The following EDIL3 variants were observed in gnomAD, a reference collection of about 807,000 sequenced individuals.
EDIL3 encodes the protein EGF-like repeat and discoidin I-like domain-containing protein 3.
EDIL3 carries 37 observed loss-of-function variants against 67.4 expected under a neutral mutation model. The ratio of observed to expected loss-of-function variants is 0.55; its 90% CI spans 0.42 to 0.72. The LOEUF (loss-of-function observed/expected upper bound fraction) is 0.72, where lower values mean the gene tolerates loss of function less well. Ranked by LOEUF, EDIL3 falls within the 30% of genes least tolerant of loss-of-function variation. EDIL3 has a pLI of 0.00. For missense variants in EDIL3, 527 were observed against 586.3 expected, an observed-to-expected ratio of 0.90 and a Z score of 1.04; for synonymous variants, 195 against 196.3, an observed-to-expected ratio of 0.99 and a Z score of 0.05.
chr5:83,943,589 A>AAT, intron 10 of EDIL3, 21 bp from the exon 11 acceptor site: 1 of 1,610,148 alleles, frequency 6.2e-7, no homozygotes, highest in Non-Finnish European at 8.5e-7. Flanking sequence ...AGAGCAGAAA[A>AAT]ATGTCAGTCA....
rs927077288 is a variant in EDIL3 at position 83,942,863 on chromosome 5, A to C, written c.*556T>G. ...ATCTCTTATTAGAAATAATGAAAGT[A>C]AAATGAGAATTATAATATCAGTACT... On this transcript the variant is annotated 3_prime_UTR_variant, in exon 11 of 11. Coordinates refer to ENST00000296591, the MANE Select transcript of EDIL3 (RefSeq NM_005711.5). 1 of 152,720 alleles carries C rather than the reference A, an allele frequency of 6.5e-6. No homozygotes were observed. Among genetic ancestry groups the C allele is most frequent in the Non-Finnish European group, 1.5e-5 (1 of 68,140 alleles). The allele number at this position is 152,720 out of a possible 1,614,324, so 9.5% of individuals were successfully genotyped here. A position where few individuals can be genotyped will look rare whatever the true frequency, so the allele number is the denominator to read the frequency against.
At chr5:84,264,758 T>C (rs1326370636) in intron 1 of EDIL3, among the ~76,000 whole-genome samples, 1 of 152,208 alleles carries the variant, frequency 6.6e-6, no homozygotes, top group African/African-American at 2.4e-5. Flanking sequence ...TTAGCTGCTG[T>C]ATATAAATAA....
chr5:84,242,947 C>T (rs1243081429), intron 2 of EDIL3, among the ~76,000 whole-genome samples: 2 of 152,094 alleles, frequency 1.3e-5, no homozygotes, highest in South Asian at 2.1e-4. Context: ...GTAGGTTTAA[C>T]ACCTGTTCTT....
chr5:84,112,314 G>A (rs894316259), intron 5 of EDIL3, among the ~76,000 whole-genome samples: 3 of 152,100 alleles, frequency 2.0e-5, no homozygotes, highest in Non-Finnish European at 2.9e-5. Context: ...AAAGAGGGGC[G>A]GAGAAGAGGA....
At chr5:84,252,493 CAAAAA>C (rs70975548) in intron 2 of EDIL3, among the ~76,000 whole-genome samples, 8 of 28,952 alleles carry the variant, frequency 2.8e-4, no homozygotes, top group East Asian at 2.7e-3. Flanking sequence ...GACTCCGTCT[CAAAAA>C]AAAAAAAAAA....
At chr5:83,966,811 G>A (rs554547841) in intron 9 of EDIL3, among the ~76,000 whole-genome samples, 2 of 152,042 alleles carry the variant, frequency 1.3e-5, no homozygotes, top group Admixed American at 6.6e-5. Context: ...TAAGAAATCT[G>A]AGGGAAAAAT....
At chr5:84,202,946 A>G (rs1428495462) in intron 3 of EDIL3, among the ~76,000 whole-genome samples, 3 of 152,184 alleles carry the variant, frequency 2.0e-5, no homozygotes, top group African/African-American at 7.2e-5. Flanking sequence ...AGGAACAAAT[A>G]AAGCCTGAGA....
chr5:84,327,745 T>TA (rs1746793173), intron 1 of EDIL3, among the ~76,000 whole-genome samples: 1 of 152,002 alleles, frequency 6.6e-6, no homozygotes, highest in Non-Finnish European at 1.5e-5. Flanking sequence ...TTTGGAGCCA[T>TA]ACAAGTTAGT....
At chr5:84,242,917 A>C (rs1744828025) in intron 2 of EDIL3, among the ~76,000 whole-genome samples, 1 of 152,228 alleles carries the variant, frequency 6.6e-6, no homozygotes, top group Admixed American at 6.5e-5. Flanking sequence ...TGCAGTGTGC[A>C]AAAAGCATGG....
rs1746949297 is a variant in EDIL3 at position 84,080,624 on chromosome 5, GGT to G, written c.652-14020_652-14019del. 2.7e-5 allele frequency among the ~76,000 whole-genome samples: 4 copies of G among 147,090 alleles called. No homozygotes were observed. In the South Asian group the frequency reaches 6.5e-4, roughly 24 times the overall value. On this transcript the variant is annotated intron_variant, in intron 6 of 10. Transcript: ENST00000296591. ...GATAAAATGTGACTGGAAAAGAAAA[GGT>G]TTTTTTCTATAAAAACATGAAAAAG...
At chr5:84,317,041 A>G (rs1389622508) in intron 1 of EDIL3, among the ~76,000 whole-genome samples, 1 of 152,188 alleles carries the variant, frequency 6.6e-6, no homozygotes, top group Non-Finnish European at 1.5e-5. Flanking sequence ...AAGCAGAAAT[A>G]AAGATTTTCT....
intron 3 of EDIL3, among the ~76,000 whole-genome samples, chr5:84,206,222 T>G (rs1381979881): frequency 1.3e-5 from 2 of 152,178 alleles, no homozygotes; most frequent in Non-Finnish European, 2.9e-5. Context: ...GTTGAGTGGT[T>G]TTGAGTGAGT....
intron 5 of EDIL3, among the ~76,000 whole-genome samples, chr5:84,120,149 G>C (rs2112297975): frequency 6.6e-6 from 1 of 152,068 alleles, no homozygotes; most frequent in Non-Finnish European, 1.5e-5. Context: ...GGTAAATTCA[G>C]GAATTGCACA....
At position 84,126,343 on chromosome 5, in the gene EDIL3, C is replaced by A. The variant is rs145973536; in HGVS notation, c.469+10898G>T. Among the ~76,000 whole-genome samples, 652 of 152,002 alleles carry A rather than the reference C, an allele frequency of 4.3e-3. 1 individual carries two copies. Among genetic ancestry groups the A allele is most frequent in the Non-Finnish European group, 6.7e-3 (454 of 67,934 alleles). ...AAACCATTAACTCAGGTTTCTAAAC[C>A]TTTTTTATAGTATGGACCTTTTTGT... is the stretch of plus-strand genomic sequence containing the variant. On this transcript the variant is annotated intron_variant, in intron 5 of 10. Coordinates refer to ENST00000296591, the MANE Select transcript of EDIL3 (RefSeq NM_005711.5).
At chr5:84,309,716 G>C (rs1215375575) in intron 1 of EDIL3, among the ~76,000 whole-genome samples, 1 of 151,998 alleles carries the variant, frequency 6.6e-6, no homozygotes, top group African/African-American at 2.4e-5. Flanking sequence ...GTGTATATGT[G>C]CCACATTTTC....
At chr5:84,345,533 T>C (rs1241808310) in intron 1 of EDIL3, among the ~76,000 whole-genome samples, 1 of 151,914 alleles carries the variant, frequency 6.6e-6, no homozygotes, top group Non-Finnish European at 1.5e-5. Context: ...AGTAATAAAA[T>C]ATCTGAGCTC....
chr5:84,321,755 T>G (rs1324505395), intron 1 of EDIL3, among the ~76,000 whole-genome samples: 1 of 152,104 alleles, frequency 6.6e-6, no homozygotes, highest in East Asian at 1.9e-4. Flanking sequence ...TGGGCAGCCA[T>G]TTTGTTGCAC....
chr5:83,988,936 T>C (rs1745099766), intron 9 of EDIL3, among the ~76,000 whole-genome samples: 1 of 152,146 alleles, frequency 6.6e-6, no homozygotes, highest in Admixed American at 6.6e-5. Flanking sequence ...CCACTACTTG[T>C]AGAATTGCTC....
chr5:84,304,859 C>T (rs964403014), intron 1 of EDIL3, among the ~76,000 whole-genome samples: 2 of 152,106 alleles, frequency 1.3e-5, no homozygotes, highest in Admixed American at 1.3e-4. Flanking sequence ...AACTAAAGCC[C>T]TCACTTTATA....
Sources: gnomAD v4.1 joint callset for allele counts (sites outside exome capture counted in the v4.1 genomes callset) on GRCh38, gnomAD v4.1.1 for gene constraint, MANE v1.5 for transcripts, NCBI Gene and HGNC (gene_info 2026-07-23, HGNC 2026-07-21) for gene names.